KANSL3: variants seen among roughly 807,000 people sequenced by gnomAD.
The protein encoded by KANSL3 is NSL complex protein NSL3.
KANSL3 carries 16 observed loss-of-function variants against 89.2 expected under a neutral mutation model. That is an observed-to-expected ratio of 0.18 (90% CI 0.12 to 0.27). KANSL3 has a LOEUF of 0.27. Among genes scored for constraint, KANSL3 ranks in the 10% least tolerant of loss-of-function variants. The pLI is 1.00. For synonymous variants in KANSL3, 385 were observed against 419.7 expected, an observed-to-expected ratio of 0.92 and a Z score of 1.01; for missense variants, 879 against 1,110.6, an observed-to-expected ratio of 0.79 and a Z score of 2.96.
intron 3 of KANSL3, among the ~76,000 whole-genome samples, chr2:96,620,847 C>A (rs1027686846): frequency 6.6e-6 from 1 of 151,698 alleles, no homozygotes; most frequent in Non-Finnish European, 1.5e-5. Flanking sequence ...AAAAAAAATA[C>A]AAAAATTAGC....
chr2:96,618,584 T>C (rs532698330), intron 5 of KANSL3, among the ~76,000 whole-genome samples: 1 of 152,364 alleles, frequency 6.6e-6, no homozygotes, highest in East Asian at 1.9e-4. Flanking sequence ...TAATAATAAT[T>C]ACTGTGGGCT....
In KANSL3 at chr2:96,619,499, C is replaced by T; in HGVS notation, c.523G>A (p.Ala175Thr). 6.2e-7 allele frequency: 1 copy of T among 1,614,060 alleles called. No individual in the cohort carries two copies. The change falls in exon 5 of 21, where the codon GCA becomes ACA. Residue 175 changes from alanine to threonine, a missense_variant. This residue lies in a region of KANSL3 where 210 missense variants were observed against 311.9 expected (regional missense o/e 0.67). Coordinates refer to ENST00000431828, the MANE Select transcript of KANSL3 (RefSeq NM_001115016.3). The stretch of plus-strand genomic sequence containing the variant: ...GCCAGAGCCTGCCGCACTCTCCTTG[C>T]ACACTTGTCCACAGCAACACGGCGC... ...VLRRVAVDKC[A>T]RRVRQALASV...
At position 96,593,259 on chromosome 2, in the gene KANSL3, T is replaced by C. The variant is rs1430995710; in HGVS notation, c.*2352A>G. 4.4e-6 allele frequency: 2 copies of C among 455,982 alleles called. No homozygotes were observed. Among genetic ancestry groups the C allele is most frequent in the East Asian group, 6.9e-5 (1 of 14,410 alleles). The allele number at this position is 455,982 out of a possible 1,614,324, so 28.2% of individuals were successfully genotyped here. On this transcript the variant is annotated 3_prime_UTR_variant, in exon 21 of 21. Transcript: ENST00000431828. ...CTCTATAACCCATCCAGCCCAAGAC[T>C]GTTCTAGTGGTGAAACCAAGAGTAG... is the stretch of plus-strand genomic sequence containing the variant.
Position 96,633,002 on chromosome 2 carries a change from G to C in KANSL3, c.216-1520C>G, listed in dbSNP as rs529578235. 1.9e-3 allele frequency among the ~76,000 whole-genome samples: 295 copies of C among 151,684 alleles called. 2 individuals carry two copies. The highest frequency in any genetic ancestry group is 6.9e-3 in the African/African-American group (285 of 41,356). On this transcript the variant is annotated intron_variant, in intron 2 of 20. Transcript: ENST00000431828. Reference sequence around the variant, plus strand: ...AAAAAAAAAAATTACTGGGCACAAGGGCTCACAAGGGCTCAGGCTTGTAAT... The same window carrying C: ...AAAAAAAAAAATTACTGGGCACAAGCGCTCACAAGGGCTCAGGCTTGTAAT...
At chr2:96,610,613 C>T in intron 11 of KANSL3, 113 bp downstream of exon 11, 1 of 1,275,418 alleles carries the variant, frequency 7.8e-7, no homozygotes, top group Non-Finnish European at 1.1e-6. Context: ...CCGCGCCCGG[C>T]TAATGCTGTC....
rs947572879 is a variant in KANSL3 at position 96,611,268 on chromosome 2, G to C, written c.1087-130C>G. ...TCCTCTCCTGTCCTAATATCCGGGT[G>C]CATCTTCTGCCACAATGGCAGCAGT... On this transcript the variant is annotated intron_variant, in intron 9 of 20. Transcript: ENST00000431828. 9.9e-6 allele frequency: 7 copies of C among 710,434 alleles called. No individual in the cohort carries two copies. In the African/African-American group the frequency reaches 1.2e-4, roughly 12 times the overall value. The allele number at this position is 710,434 out of a possible 1,614,324, so 44.0% of individuals were successfully genotyped here.
chr2:96,602,362 G>T (rs963893434), intron 18 of KANSL3, 24 bp from the exon 19 acceptor site: 7 of 1,566,174 alleles, frequency 4.5e-6, no homozygotes, highest in South Asian at 1.2e-5. Flanking sequence ...AAGCCCAGGT[G>T]ATCAGAAGCT....
the KANSL3 span, among the ~76,000 whole-genome samples, chr2:96,583,883 G>A: frequency 9.2e-5 from 14 of 152,232 alleles, no homozygotes; most frequent in Admixed American, 1.3e-4. Flanking sequence ...CTAACACTCG[G>A]TATTGTTGTT....
At chr2:96,608,477 C>T (rs185452640) in intron 14 of KANSL3, 31 bp downstream of exon 14, 869 of 1,612,364 alleles carry the variant, frequency 5.4e-4, no homozygotes, top group Admixed American at 7.8e-4. Flanking sequence ...GAAGACAGAC[C>T]CAAGAGGAGC....
downstream of KANSL3, among the ~76,000 whole-genome samples, chr2:96,590,295 C>CT (rs973565553): frequency 4.8e-4 from 71 of 147,486 alleles, no homozygotes; most frequent in Middle Eastern, 3.5e-3. Flanking sequence ...GTGGCAGTTT[C>CT]TTTTTTTTTT....
chr2:96,617,882 A>C (rs571274266), intron 5 of KANSL3, among the ~76,000 whole-genome samples: 2 of 151,320 alleles, frequency 1.3e-5, no homozygotes, highest in Non-Finnish European at 2.9e-5. Context: ...GCTACTCAGG[A>C]GGCTGAGGCA....
intron 3 of KANSL3, among the ~76,000 whole-genome samples, chr2:96,629,713 C>A (rs1243065236): frequency 6.6e-6 from 1 of 152,202 alleles, no homozygotes; most frequent in Admixed American, 6.5e-5. Context: ...TCAACAGCTG[C>A]TGTTTTGATC....
intron 11 of KANSL3, 23 bp from the exon 12 acceptor site, chr2:96,609,585 T>G (rs1327142409): frequency 6.3e-7 from 1 of 1,595,224 alleles, no homozygotes; most frequent in Admixed American, 1.7e-5. Context: ...AAGGATGACA[T>G]GTTTACTTCT....
chr2:96,609,708 C>G, intron 11 of KANSL3, 146 bp from the exon 12 acceptor site: 1 of 733,848 alleles, frequency 1.4e-6, no homozygotes, highest in African/African-American at 1.7e-5. Flanking sequence ...TGCAACCTCT[C>G]CGAACCTGTT....
chr2:96,592,041 C>A (rs1189639098), downstream of KANSL3, among the ~76,000 whole-genome samples: 1 of 152,054 alleles, frequency 6.6e-6, no homozygotes, highest in Non-Finnish European at 1.5e-5. Flanking sequence ...TTGCTATGGC[C>A]CTGTCCCCAT....
chr2:96,623,986 G>C (rs2071818545), intron 3 of KANSL3, among the ~76,000 whole-genome samples: 1 of 152,226 alleles, frequency 6.6e-6, no homozygotes, highest in South Asian at 2.1e-4. Flanking sequence ...AGCAGTCTGA[G>C]GTTTCTTGGA....
chr2:96,590,185 TAA>T (rs60141221), downstream of KANSL3, among the ~76,000 whole-genome samples: 36,894 of 151,590 alleles, frequency 0.24, 5,959 homozygotes, highest in South Asian at 0.66. Flanking sequence ...AAATAAATAA[TAA>T]AAGAGACAAT....
intron 14 of KANSL3, among the ~76,000 whole-genome samples, chr2:96,608,043 T>C (rs923650666): frequency 3.9e-5 from 6 of 152,202 alleles, no homozygotes; most frequent in African/African-American, 1.4e-4. Flanking sequence ...CCCAGCTTCA[T>C]CTGAAACCTG....
downstream of KANSL3, among the ~76,000 whole-genome samples, chr2:96,591,870 G>A (rs991836505): frequency 4.0e-5 from 6 of 151,512 alleles, no homozygotes; most frequent in Non-Finnish European, 5.9e-5. Flanking sequence ...TACCAAAACC[G>A]TGAGGCTCCT....
Sources: gnomAD v4.1 joint callset for allele counts (sites outside exome capture counted in the v4.1 genomes callset) on GRCh38, gnomAD v4.1.1 for gene constraint, gnomAD v4.1.1 regional missense constraint, MANE v1.5 for transcripts, NCBI Gene and HGNC (gene_info 2026-07-23, HGNC 2026-07-21) for gene names.